Variants in SLC7A8 observed in about 807,000 individuals in gnomAD.
SLC7A8 encodes large neutral amino acids transporter small subunit 2.
Under a neutral mutation model 51.2 loss-of-function variants are expected in SLC7A8, and 30 were observed. That is an observed-to-expected ratio of 0.59 (90% CI 0.44 to 0.80). The LOEUF is 0.80. SLC7A8 is among the 30% of genes least tolerant of loss of function. The pLI, the probability that SLC7A8 is intolerant of heterozygous loss-of-function variation, is 0.00. For missense variants in SLC7A8, 612 were observed against 674.4 expected, an observed-to-expected ratio of 0.91 and a Z score of 1.03; for synonymous variants, 257 against 275.8, an observed-to-expected ratio of 0.93 and a Z score of 0.67.
intron 3 of SLC7A8, among the ~76,000 whole-genome samples, chr14:23,152,493 C>CA (rs1056051087): frequency 6.6e-6 from 1 of 151,326 alleles, no homozygotes; most frequent in Non-Finnish European, 1.5e-5. Flanking sequence ...GATGATGGCT[C>CA]ACTGCAGTCT....
intron 3 of SLC7A8, chr14:23,146,698 A>G (rs902391086): frequency 6.6e-6 from 1 of 152,220 alleles, no homozygotes. Flanking sequence ...TGTGACACCT[A>G]ATCTCCTTGG....
chr14:23,155,240 C>T, intron 3 of SLC7A8: 1 of 1,536,084 alleles, frequency 6.5e-7, no homozygotes, highest in Non-Finnish European at 8.7e-7. Flanking sequence ...CCTCTCTCTT[C>T]CAAGGACACA....
At chr14:23,155,932 C>T (rs368766413) in intron 3 of SLC7A8, among the ~76,000 whole-genome samples, 5 of 152,106 alleles carry the variant, frequency 3.3e-5, no homozygotes, top group South Asian at 2.1e-4. Context: ...TCCCCCAAAA[C>T]GGTTCAGTTA....
intron 8 of SLC7A8, 91 bp from the exon 9 acceptor site, chr14:23,129,890 A>C (rs986256854): frequency 7.0e-7 from 1 of 1,429,974 alleles, no homozygotes; most frequent in African/African-American, 1.4e-5. Context: ...CTCCAGGCAG[A>C]TGATGCCATC....
Position 23,127,149 on chromosome 14 carries a change from GGA to G in SLC7A8, c.*26_*27del, listed in dbSNP as rs755415487. On this transcript the variant is annotated 3_prime_UTR_variant, in exon 11 of 11. Coordinates refer to ENST00000316902, the MANE Select transcript of SLC7A8 (RefSeq NM_012244.4). ...GGAGGTAGGATAAAAGGGGGAGGAA[GGA>G]GAGAGTAGCCAGGGAATGGTGGTCC... 7 of 1,612,610 alleles carry G rather than the reference GGA, an allele frequency of 4.3e-6. No homozygotes were observed. The highest frequency in any genetic ancestry group is 1.3e-5 in the African/African-American group (1 of 74,888).
chr14:23,166,223 G>A (rs1452665378), intron 2 of SLC7A8, 113 bp downstream of exon 2: 13 of 1,102,074 alleles, frequency 1.2e-5, no homozygotes, highest in South Asian at 5.6e-5. Context: ...CTAGCACCCC[G>A]TGGCACACTG....
intron 1 of SLC7A8, among the ~76,000 whole-genome samples, chr14:23,174,411 T>C (rs2048989834): frequency 6.6e-6 from 1 of 152,220 alleles, no homozygotes; most frequent in African/African-American, 2.4e-5. Context: ...TCAGACATTG[T>C]GAAACCTTCT....
At chr14:23,179,576 G>A (rs1376367973) in intron 1 of SLC7A8, among the ~76,000 whole-genome samples, 1 of 151,970 alleles carries the variant, frequency 6.6e-6, no homozygotes, top group African/African-American at 2.4e-5. Context: ...GATAGGCCGA[G>A]GTGGGAGGAT....
At chr14:23,180,081 AT>A (rs201065330) in intron 1 of SLC7A8, among the ~76,000 whole-genome samples, 2,026 of 151,704 alleles carry the variant, frequency 0.013, 19 homozygotes, top group African/African-American at 0.022. Flanking sequence ...AATTTTTTGT[AT>A]TTTTTAGTAG....
In SLC7A8 at chr14:23,128,582, G is replaced by A. The variant is rs2048602643; in HGVS notation, c.1264-386C>T. Among the ~76,000 whole-genome samples, 1 of 152,236 alleles carries A rather than the reference G, an allele frequency of 6.6e-6. No individual in the cohort carries two copies. The highest frequency in any genetic ancestry group is 2.4e-5 in the African/African-American group (1 of 41,456). ...GTGTCTGCTGAGGTCCTAGGGTGGAGGGGAGGTGTGGCAATGCACAAGGTG... is the reference window on the plus strand; with the variant it reads ...GTGTCTGCTGAGGTCCTAGGGTGGAAGGGAGGTGTGGCAATGCACAAGGTG... On this transcript the variant is annotated intron_variant, in intron 9 of 10. Transcript: ENST00000316902. The surrounding 1 kb of genome is among the most constrained non-coding windows in gnomAD (Gnocchi z 4.3).
intron 3 of SLC7A8, chr14:23,154,490 C>T: frequency 1.0e-6 from 1 of 985,382 alleles, no homozygotes; most frequent in South Asian, 4.7e-5. Context: ...TCCTTGGCCG[C>T]CTCCCCCGCT....
chr14:23,158,503 G>A (rs1240077355), intron 3 of SLC7A8, among the ~76,000 whole-genome samples: 1 of 151,932 alleles, frequency 6.6e-6, no homozygotes, highest in African/African-American at 2.4e-5. Flanking sequence ...CCGCCACCAC[G>A]CCCAGCTAAT....
chr14:23,148,475 A>G (rs2048818172), intron 3 of SLC7A8, among the ~76,000 whole-genome samples: 1 of 152,040 alleles, frequency 6.6e-6, no homozygotes, highest in Non-Finnish European at 1.5e-5. Context: ...TGATCCACCC[A>G]CCTCGGCCTC....
intron 7 of SLC7A8, 92 bp downstream of exon 7, chr14:23,137,828 AC>A: frequency 6.7e-7 from 1 of 1,495,632 alleles, no homozygotes. Flanking sequence ...GCCCACACAG[AC>A]CCCTGCTGAC....
intron 1 of SLC7A8, among the ~76,000 whole-genome samples, chr14:23,168,780 G>A (rs926289914): frequency 3.9e-5 from 6 of 152,190 alleles, no homozygotes; most frequent in Non-Finnish European, 8.8e-5. Flanking sequence ...AAACACTGCA[G>A]CAGGGATCAG....
chr14:23,181,504 A>T (rs942484433), intron 1 of SLC7A8, among the ~76,000 whole-genome samples: 5 of 152,222 alleles, frequency 3.3e-5, no homozygotes, highest in African/African-American at 1.2e-4. Flanking sequence ...TGGTCACTGA[A>T]GTTCTGGGTG....
At chr14:23,145,435 G>A (rs549834817) in intron 3 of SLC7A8, among the ~76,000 whole-genome samples, 34 of 150,488 alleles carry the variant, frequency 2.3e-4, no homozygotes, top group African/African-American at 8.3e-4. Context: ...GCTGAGGCAG[G>A]AAAATCACTT....
At chr14:23,181,463 T>TGGGGG in intron 1 of SLC7A8, among the ~76,000 whole-genome samples, 1 of 102,730 alleles carries the variant, frequency 9.7e-6, no homozygotes, top group Non-Finnish European at 1.9e-5. Context: ...GGGGGGGGGA[T>TGGGGG]GGGATTTCAT....
Position 23,129,725 on chromosome 14 carries a change from GTAGTTGATGAAGCCCACA to G in SLC7A8, c.1170_1187del (p.Val391_Tyr396del). 1 of 1,614,208 alleles carries G rather than the reference GTAGTTGATGAAGCCCACA, an allele frequency of 6.2e-7. No homozygotes were observed. The highest frequency in any genetic ancestry group is 1.1e-5 in the South Asian group (1 of 91,086). ...CAGCAACCGTGACCCCATAGAAGAGGTAGTTGATGAAGCCCACATAGTTGATGAGTGTGTACATGTCGC... is the reference window on the plus strand; with the variant it reads ...CAGCAACCGTGACCCCATAGAAGAGGTAGTTGATGAGTGTGTACATGTCGC... On this transcript the variant is annotated inframe_deletion, in exon 9 of 11. Transcript: ENST00000316902.
Sources: gnomAD v4.1 joint callset for allele counts (sites outside exome capture counted in the v4.1 genomes callset) on GRCh38, gnomAD v4.1.1 for gene constraint, Gnocchi (gnomAD v3.1) non-coding constraint, MANE v1.5 for transcripts, NCBI Gene and HGNC (gene_info 2026-07-23, HGNC 2026-07-21) for gene names.